EBF2: variants seen among roughly 807,000 people sequenced by gnomAD.
The protein encoded by EBF2 is EBF transcription factor 2.
Under a neutral mutation model 72.8 loss-of-function variants are expected in EBF2, and 21 were observed. The ratio of observed to expected loss-of-function variants is 0.29; its 90% confidence interval spans 0.20 to 0.42. The LOEUF (loss-of-function observed/expected upper bound fraction) is 0.42, where lower values mean the gene tolerates loss of function less well. EBF2 is among the 10% of genes least tolerant of loss of function. The pLI, the probability that EBF2 is intolerant of heterozygous loss-of-function variation, is 1.00. For synonymous variants in EBF2, 299 were observed against 274.2 expected, an observed-to-expected ratio of 1.09 and a Z score of -0.89; for missense variants, 637 against 731.2, an observed-to-expected ratio of 0.87 and a Z score of 1.49.
chr8:26,002,940 AGGCGGGCG>A (rs56946818), intron 6 of EBF2, among the ~76,000 whole-genome samples: 4 of 17,158 alleles, frequency 2.3e-4, no homozygotes, highest in Non-Finnish European at 5.0e-4. Context: ...GCAGGCAGGC[AGGCGGGCG>A]GGCAGGCAGG....
At chr8:25,941,669 G>A (rs752105486) in intron 6 of EBF2, among the ~76,000 whole-genome samples, 7 of 152,166 alleles carry the variant, frequency 4.6e-5, no homozygotes, top group Non-Finnish European at 8.8e-5. Context: ...ACGGAGGAGT[G>A]TGAAAGACAC....
Position 26,044,559 on chromosome 8 carries a change from C to T in EBF2, c.131+170G>A, listed in dbSNP as rs1296856934. Reference sequence around the variant, plus strand: ...TGCCGGCTGCCGGGTGAGCGTTCGCCTGACTGCAGCGATCTGCTTGCCCGA... The same window carrying T: ...TGCCGGCTGCCGGGTGAGCGTTCGCTTGACTGCAGCGATCTGCTTGCCCGA... On this transcript the variant is annotated intron_variant, in intron 1 of 15. Transcript: ENST00000520164. The surrounding 1 kb of genome is among the most constrained non-coding windows in gnomAD (Gnocchi z 4.1). Among the ~76,000 whole-genome samples, 1 of 152,222 alleles carries T rather than the reference C, an allele frequency of 6.6e-6. No homozygotes were observed. The highest frequency in any genetic ancestry group is 1.5e-5 in the Non-Finnish European group (1 of 68,046).
chr8:25,983,138 TC>T (rs1804390501), intron 6 of EBF2, among the ~76,000 whole-genome samples: 1 of 152,108 alleles, frequency 6.6e-6, no homozygotes. Context: ...AAGACGGAAC[TC>T]CCATATATCA....
At chr8:25,927,526 T>C (rs79586438) in intron 6 of EBF2, among the ~76,000 whole-genome samples, 35 of 152,122 alleles carry the variant, frequency 2.3e-4, no homozygotes, top group East Asian at 7.7e-4. Flanking sequence ...TCTATCACTA[T>C]AGAAACTTGA....
chr8:25,938,939 T>C (rs561221727), intron 6 of EBF2, among the ~76,000 whole-genome samples: 42 of 152,182 alleles, frequency 2.8e-4, no homozygotes, highest in African/African-American at 7.9e-4. Context: ...TCAAGGACTG[T>C]TGCTCTTCTT....
At chr8:25,954,302 G>C (rs907447789) in intron 6 of EBF2, among the ~76,000 whole-genome samples, 2 of 152,164 alleles carry the variant, frequency 1.3e-5, no homozygotes, top group Admixed American at 6.5e-5. Flanking sequence ...CCAGAGGGCT[G>C]CCCGTTGGTG....
chr8:26,005,524 T>TATATATTATAAAA (rs1214549258), intron 6 of EBF2, among the ~76,000 whole-genome samples: 1 of 75,586 alleles, frequency 1.3e-5, no homozygotes, highest in Non-Finnish European at 2.5e-5. Context: ...ATAAAATATA[T>TATATATTATAAAA]TATATATTAT....
intron 6 of EBF2, among the ~76,000 whole-genome samples, chr8:25,913,203 G>C (rs1803156270): frequency 6.6e-6 from 1 of 152,148 alleles, no homozygotes; most frequent in Non-Finnish European, 1.5e-5. Flanking sequence ...AGCACTTTGG[G>C]AGGCTGAGGT....
chr8:25,950,834 G>A (rs188056039), intron 6 of EBF2, among the ~76,000 whole-genome samples: 112 of 151,944 alleles, frequency 7.4e-4, no homozygotes, highest in South Asian at 5.6e-3. Flanking sequence ...GTTAACTAAT[G>A]AGTTAAATCC....
At chr8:25,850,410 G>A (rs1238072382) in intron 15 of EBF2, among the ~76,000 whole-genome samples, 184 bp downstream of exon 15, 1 of 152,160 alleles carries the variant, frequency 6.6e-6, no homozygotes, top group Non-Finnish European at 1.5e-5. Flanking sequence ...CACCATGCCT[G>A]GCCCCATCTT....
In EBF2 at chr8:25,961,427, G is replaced by A. The variant is rs192212213; in HGVS notation, c.552-52872C>T. Among the ~76,000 whole-genome samples the A allele has an allele frequency of 4.6e-5, 7 of 152,228 alleles. No individual in the cohort carries two copies. In the East Asian group the frequency reaches 5.8e-4, roughly 13 times the overall value. On this transcript the variant is annotated intron_variant, in intron 6 of 15. Transcript: ENST00000520164. ...CGCCCAGACTGGAGTGCAGTGGCGC[G>A]ATCTTGGCTCACTGCAACCTCTGCC...
chr8:26,040,319 T>C (rs960806020), intron 4 of EBF2, among the ~76,000 whole-genome samples: 1 of 152,018 alleles, frequency 6.6e-6, no homozygotes, highest in African/African-American at 2.4e-5. Context: ...CTTAGCAAAA[T>C]GGAATGTTTG....
chr8:25,851,475 G>GA (rs759547542), intron 14 of EBF2, among the ~76,000 whole-genome samples: 3 of 151,976 alleles, frequency 2.0e-5, no homozygotes, highest in African/African-American at 4.8e-5. Context: ...TAATTTCCAA[G>GA]AAAAAATAAA....
At chr8:25,868,078 T>A (rs1044683392) in intron 10 of EBF2, among the ~76,000 whole-genome samples, 3 of 152,270 alleles carry the variant, frequency 2.0e-5, no homozygotes, top group Non-Finnish European at 4.4e-5. Flanking sequence ...CATTAAGTAC[T>A]TATCTTTGCC....
chr8:25,872,248 A>C (rs531179823), intron 10 of EBF2, among the ~76,000 whole-genome samples: 45 of 152,306 alleles, frequency 3.0e-4, no homozygotes, highest in African/African-American at 1.1e-3. Flanking sequence ...CACTGATTGC[A>C]AAGATGGCAA....
intron 6 of EBF2, among the ~76,000 whole-genome samples, chr8:25,985,941 G>A (rs545985385): frequency 1.0e-4 from 13 of 130,450 alleles, no homozygotes; most frequent in South Asian, 2.5e-4. Flanking sequence ...AGTTGAGGCC[G>A]CAGTAAGTTG....
At chr8:25,974,558 T>C (rs1804237833) in intron 6 of EBF2, among the ~76,000 whole-genome samples, 1 of 152,238 alleles carries the variant, frequency 6.6e-6, no homozygotes, top group Non-Finnish European at 1.5e-5. Flanking sequence ...GAACTTTTAA[T>C]GTGGTGTGGA....
In EBF2 at chr8:25,843,146, G is replaced by C. The variant is rs1162937621; in HGVS notation, c.*1463C>G. 8 of 152,222 alleles carry C rather than the reference G, an allele frequency of 5.3e-5. No homozygotes were observed. In the East Asian group the frequency reaches 1.3e-3, roughly 26 times the overall value. The allele number at this position is 152,222 out of a possible 1,614,324, so 9.4% of individuals were successfully genotyped here. A position where few individuals can be genotyped will look rare whatever the true frequency, so the allele number is the denominator to read the frequency against. ...GAGCCCATCAAAGGGCTGGGTAACT[G>C]TGCTGCATAGAACGCAGATGCCCCT... On this transcript the variant is annotated 3_prime_UTR_variant, in exon 16 of 16. Coordinates refer to ENST00000520164, the MANE Select transcript of EBF2 (RefSeq NM_022659.4).
chr8:25,851,027 G>A (rs1253346158), intron 14 of EBF2, among the ~76,000 whole-genome samples: 1 of 152,082 alleles, frequency 6.6e-6, no homozygotes, highest in Non-Finnish European at 1.5e-5. Flanking sequence ...TTGTGCTTGG[G>A]AGAGTCAGGA....
Sources: allele counts gnomAD v4.1 joint callset (sites outside exome capture counted in the v4.1 genomes callset), GRCh38; gene constraint gnomAD v4.1.1; non-coding constraint Gnocchi (gnomAD v3.1); transcripts MANE v1.5; gene names NCBI Gene and HGNC (gene_info 2026-07-23, HGNC 2026-07-21).